Variants in LUC7L2 observed in about 807,000 individuals in gnomAD.
The protein encoded by LUC7L2 is putative RNA-binding protein Luc7-like 2.
A neutral mutation model predicts 52.8 loss-of-function variants in LUC7L2; 25 were observed. The ratio of observed to expected loss-of-function variants is 0.47; its 90% CI spans 0.34 to 0.66. LUC7L2 has a LOEUF of 0.66. Among genes scored for constraint, LUC7L2 ranks in the 30% least tolerant of loss-of-function variants. The pLI, the probability that LUC7L2 is intolerant of heterozygous loss-of-function variation, is 0.01. For missense variants in LUC7L2, 328 were observed against 497.8 expected, an observed-to-expected ratio of 0.66 and a Z score of 3.25; for synonymous variants, 144 against 160.9, an observed-to-expected ratio of 0.89 and a Z score of 0.80.
At chr7:139,358,085 G>A (rs1799662230), upstream of LUC7L2, among the ~76,000 whole-genome samples, 1 of 152,014 alleles carries the variant, frequency 6.6e-6, no homozygotes, top group South Asian at 2.1e-4. Flanking sequence ...TCGGCTTACT[G>A]CAACCTCCAC....
chr7:139,389,810 A>G (rs1258655319), intron 2 of LUC7L2, among the ~76,000 whole-genome samples: 3 of 152,202 alleles, frequency 2.0e-5, no homozygotes, highest in Non-Finnish European at 2.9e-5. Flanking sequence ...TTGAGCTTAT[A>G]TCCCATTGCA....
At chr7:139,411,469 TTTATA>T (rs1390466987) in intron 7 of LUC7L2, among the ~76,000 whole-genome samples, 1 of 152,130 alleles carries the variant, frequency 6.6e-6, no homozygotes, top group Non-Finnish European at 1.5e-5. Context: ...CCCAGTAAAA[TTTATA>T]TTAGTATCCC....
chr7:139,400,456 T>A (rs1265209148), intron 3 of LUC7L2, among the ~76,000 whole-genome samples: 1 of 152,130 alleles, frequency 6.6e-6, no homozygotes, highest in Non-Finnish European at 1.5e-5. Flanking sequence ...GCAGTGAGCC[T>A]AGATCATGCC....
chr7:139,364,920 C>G (rs1262342529), intron 1 of LUC7L2, among the ~76,000 whole-genome samples: 1 of 152,090 alleles, frequency 6.6e-6, no homozygotes, highest in Admixed American at 6.5e-5. Context: ...TCTTTTATTC[C>G]ACTTGGATTG....
At position 139,412,549 on chromosome 7, in the gene LUC7L2, A is replaced by G. The variant is rs78245886; in HGVS notation, c.780-2A>G. On this transcript the variant is annotated splice_acceptor_variant, in intron 7 of 9. Coordinates refer to ENST00000354926, the MANE Select transcript of LUC7L2 (RefSeq NM_016019.5). LOFTEE classifies it high-confidence loss of function. The stretch of plus-strand genomic sequence containing the variant: ...CTAAAAATACATATTTTTTTTTTTT[A>G]GGTCCCGATCACACAGCAAGAATCC... The G allele has an allele frequency of 1.9e-6, 3 of 1,587,998 alleles. No individual in the cohort carries two copies. Among genetic ancestry groups the G allele is most frequent in the Non-Finnish European group, 2.6e-6 (3 of 1,170,962 alleles).
chr7:139,422,549 A>G lies in LUC7L2; in HGVS notation c.*209A>G. ...ATAGTTTCTGGTGAACCTGTAATAC[A>G]GTTCTGAAAGTACAGTTTTATATAA... On this transcript the variant is annotated 3_prime_UTR_variant, in exon 10 of 10. Coordinates refer to ENST00000354926, the MANE Select transcript of LUC7L2 (RefSeq NM_016019.5). 9.9e-7 allele frequency: 1 copy of G among 1,007,974 alleles called. No individual in the cohort carries two copies. The allele number at this position is 1,007,974 out of a possible 1,614,324, so 62.4% of individuals were successfully genotyped here. A position where few individuals can be genotyped will look rare whatever the true frequency, so the allele number is the denominator to read the frequency against.
chr7:139,396,957 A>G (rs775653785), intron 2 of LUC7L2, among the ~76,000 whole-genome samples: 5 of 152,182 alleles, frequency 3.3e-5, no homozygotes, highest in Admixed American at 6.5e-5. Flanking sequence ...AATACTTTTG[A>G]ATCTTGATCT....
chr7:139,388,433 G>A (rs1281031518), intron 2 of LUC7L2, among the ~76,000 whole-genome samples: 2 of 151,940 alleles, frequency 1.3e-5, no homozygotes, highest in Admixed American at 1.3e-4. Context: ...AAGCAGCAGC[G>A]TTATGTATGC....
At chr7:139,404,034 A>G (rs900650857) in intron 4 of LUC7L2, among the ~76,000 whole-genome samples, 2 of 152,256 alleles carry the variant, frequency 1.3e-5, no homozygotes. Flanking sequence ...GTTTTGGACA[A>G]CAGTTTAGTC....
At chr7:139,420,209 A>ATTT (rs369504812) in intron 9 of LUC7L2, among the ~76,000 whole-genome samples, 1 of 148,882 alleles carries the variant, frequency 6.7e-6, no homozygotes, top group Non-Finnish European at 1.5e-5. Flanking sequence ...TAAGTAATTT[A>ATTT]TTTTTTTTTT....
At chr7:139,349,783 G>T (rs538714837) in intron 1 of LUC7L2, among the ~76,000 whole-genome samples, 5 of 152,110 alleles carry the variant, frequency 3.3e-5, no homozygotes, top group Non-Finnish European at 7.3e-5. Context: ...ATATTCACTT[G>T]CTGTATTTTT....
intron 1 of LUC7L2, among the ~76,000 whole-genome samples, chr7:139,373,918 TTTTG>T (rs1200985349): frequency 3.3e-5 from 5 of 152,174 alleles, no homozygotes; most frequent in African/African-American, 9.7e-5. Context: ...TTTTGTTTTG[TTTTG>T]TTTTTGTTTC....
chr7:139,386,493 C>A (rs1380832678), intron 2 of LUC7L2, among the ~76,000 whole-genome samples: 2 of 150,916 alleles, frequency 1.3e-5, no homozygotes, highest in African/African-American at 4.9e-5. Flanking sequence ...CAAGCTCCGC[C>A]TCCCGGGTTC....
intron 1 of LUC7L2, among the ~76,000 whole-genome samples, chr7:139,352,021 C>G (rs181724454): frequency 4.7e-5 from 7 of 148,892 alleles, no homozygotes; most frequent in African/African-American, 1.7e-4. Context: ...ATAATGAGAC[C>G]CTGTCTCTAA....
rs965152862 is a variant in LUC7L2, at chr7:139,360,209, A to G, written c.-53A>G. ...TCCCTTCCCCTTATCCCCCAGCCCA[A>G]AAGGGCCCGGTCTGCGCCCCACCCC... On this transcript the variant is annotated 5_prime_UTR_variant, in exon 1 of 10. Coordinates refer to ENST00000354926, the MANE Select transcript of LUC7L2 (RefSeq NM_016019.5). The G allele has an allele frequency of 4.1e-6, 6 of 1,450,754 alleles. No individual in the cohort carries two copies. In the African/African-American group the frequency reaches 4.3e-5, roughly 10 times the overall value. 89.9% of individuals were successfully genotyped at this position (1,450,754 alleles called of 1,614,324 possible).
chr7:139,380,911 A>C (rs1454880578), intron 2 of LUC7L2, among the ~76,000 whole-genome samples: 1 of 152,232 alleles, frequency 6.6e-6, no homozygotes, highest in Non-Finnish European at 1.5e-5. Flanking sequence ...TTTATAGTAG[A>C]CTTTAAATAT....
chr7:139,421,869 A>G (rs1478142462), intron 9 of LUC7L2, among the ~76,000 whole-genome samples: 1 of 152,210 alleles, frequency 6.6e-6, no homozygotes. Flanking sequence ...TTTTTATATT[A>G]AAATACCTTT....
At chr7:139,422,050 G>C (rs1255410535) in intron 9 of LUC7L2, 113 bp from the exon 10 acceptor site, 2 of 1,431,672 alleles carry the variant, frequency 1.4e-6, no homozygotes, top group Admixed American at 5.9e-5. Context: ...CTCTGTCATG[G>C]GTATATTCGT....
intron 1 of LUC7L2, among the ~76,000 whole-genome samples, chr7:139,354,180 G>A (rs1799541738): frequency 6.6e-6 from 1 of 152,158 alleles, no homozygotes; most frequent in Non-Finnish European, 1.5e-5. Context: ...TGGCAGTCTA[G>A]GTAATTTGGA....
Sources: allele counts gnomAD v4.1 joint callset (sites outside exome capture counted in the v4.1 genomes callset), GRCh38; gene constraint gnomAD v4.1.1; transcripts MANE v1.5; gene names NCBI Gene and HGNC (gene_info 2026-07-23, HGNC 2026-07-21).